GBF1: variants seen among roughly 807,000 people sequenced by gnomAD.
The protein encoded by GBF1 is Golgi-specific brefeldin A-resistance guanine nucleotide exchange factor 1.
Under a neutral mutation model 210.5 loss-of-function variants are expected in GBF1, and 114 were observed. That is an observed-to-expected ratio of 0.54 (90% CI 0.47 to 0.63). GBF1 has a LOEUF of 0.63. GBF1 is among the 30% of genes least tolerant of loss of function. GBF1 has a pLI of 0.00. For synonymous variants in GBF1, 850 were observed against 889.2 expected, an observed-to-expected ratio of 0.96 and a Z score of 0.78; for missense variants, 1,851 against 2,357.7, an observed-to-expected ratio of 0.79 and a Z score of 4.45.
At chr10:102,313,789 C>G (rs1316272164) in intron 3 of GBF1, among the ~76,000 whole-genome samples, 1 of 152,158 alleles carries the variant, frequency 6.6e-6, no homozygotes, top group Non-Finnish European at 1.5e-5. Context: ...CTGAATACAG[C>G]TAGGCAGAAT....
At chr10:102,279,110 A>G (rs565061589) in intron 3 of GBF1, among the ~76,000 whole-genome samples, 3 of 152,214 alleles carry the variant, frequency 2.0e-5, no homozygotes, top group Non-Finnish European at 4.4e-5. Context: ...CTGTCTTTCT[A>G]GCTTGCTTCT....
Position 102,376,622 on chromosome 10 carries a change from G to C in GBF1, c.4110G>C (p.Leu1370=). The C allele has an allele frequency of 6.2e-7, 1 of 1,613,814 alleles. No individual in the cohort carries two copies. Among genetic ancestry groups the C allele is most frequent in the Non-Finnish European group, 8.5e-7 (1 of 1,179,818 alleles). Residue 1370 remains leucine, a synonymous_variant, in exon 32 of 40, where the codon CTG becomes CTC. Transcript: ENST00000369983. ...CCAGCCGCCCAGGCCCTTCACCCCT[G>C]ATCAATCAATACAGCCTAACAGTGG... ...PGPSRPGPSP[L]INQYSLTVGL...
At chr10:102,272,313 C>A (rs897498754) in intron 3 of GBF1, among the ~76,000 whole-genome samples, 1 of 152,130 alleles carries the variant, frequency 6.6e-6, no homozygotes, top group African/African-American at 2.4e-5. Context: ...CCATGTTGGC[C>A]AGGCTGGTTT....
At chr10:102,310,199 C>G (rs537635280) in intron 3 of GBF1, among the ~76,000 whole-genome samples, 36 of 152,146 alleles carry the variant, frequency 2.4e-4, no homozygotes, top group Non-Finnish European at 4.9e-4. Context: ...TAAAAAGTGT[C>G]AGTAGCTGAA....
In GBF1 at chr10:102,367,097, T is replaced by A. The variant is rs759446591; in HGVS notation, c.2446T>A (p.Ser816Thr). The change falls in exon 20 of 40, where the codon TCC becomes ACC. Residue 816 changes from serine (S) to threonine (T), a missense_variant. Physicochemically the swap from Ser to Thr is moderately conservative, Grantham distance 58. Around this residue, in one of 3 missense-constraint regions of GBF1, gnomAD observed 80 missense variants for 151.4 expected, o/e 0.53. Transcript: ENST00000369983. The stretch of plus-strand genomic sequence containing the variant: ...TTTGCTTTTTCAGAATTGTAATGGC[T>A]CCCCATTTGCCAATAGCGATGCCTG... ...FTERWMNCNG[S>T]PFANSDACFS... 11 of 1,614,130 alleles carry A rather than the reference T, an allele frequency of 6.8e-6. No homozygotes were observed. In the South Asian group the frequency reaches 1.1e-4, roughly 16 times the overall value.
chr10:102,345,577 G>A (rs1490217059), intron 4 of GBF1, among the ~76,000 whole-genome samples: 1 of 147,980 alleles, frequency 6.8e-6, no homozygotes, highest in Admixed American at 6.8e-5. Context: ...AACCCGGGAG[G>A]CGGAAGTTAC....
chr10:102,268,490 C>G (rs2074089154), intron 3 of GBF1, among the ~76,000 whole-genome samples: 1 of 152,092 alleles, frequency 6.6e-6, no homozygotes, highest in Admixed American at 6.6e-5. Flanking sequence ...TGCATTTGTC[C>G]TCTTTAGCAC....
At chr10:102,369,419 A>T (rs954037118) in intron 24 of GBF1, 32 bp downstream of exon 24, 3 of 1,537,242 alleles carry the variant, frequency 2.0e-6, no homozygotes, top group Non-Finnish European at 2.7e-6. Context: ...GTGAGCGATA[A>T]CAAGGCAAGA....
At chr10:102,231,066 C>A in the GBF1 span, 1 of 1,571,034 alleles carries the variant, frequency 6.4e-7, no homozygotes, top group Non-Finnish European at 8.6e-7. Flanking sequence ...TGCGCTCGCG[C>A]TTCCGCCATT....
intron 38 of GBF1, 49 bp downstream of exon 38, chr10:102,380,735 C>A (rs2135383957): frequency 6.9e-7 from 1 of 1,444,198 alleles, no homozygotes; most frequent in East Asian, 2.3e-5. Context: ...TGCCTGGGCA[C>A]AATGGCTCAC....
At chr10:102,274,500 G>A (rs1660183890) in intron 3 of GBF1, among the ~76,000 whole-genome samples, 1 of 151,622 alleles carries the variant, frequency 6.6e-6, no homozygotes, top group South Asian at 2.1e-4. Context: ...CTTTATATTG[G>A]CCTTTGATTA....
intron 29 of GBF1, among the ~76,000 whole-genome samples, chr10:102,372,706 T>G (rs942319084): frequency 6.6e-5 from 10 of 152,170 alleles, no homozygotes; most frequent in African/African-American, 2.4e-4. Context: ...GGTGGAGTGA[T>G]TAAAATCCAT....
At chr10:102,309,973 A>G (rs2078264993) in intron 3 of GBF1, among the ~76,000 whole-genome samples, 1 of 152,216 alleles carries the variant, frequency 6.6e-6, no homozygotes, top group Admixed American at 6.5e-5. Context: ...AATTTAGGGA[A>G]AATACAACCA....
intron 3 of GBF1, among the ~76,000 whole-genome samples, chr10:102,319,774 G>A (rs1027011642): frequency 1.3e-5 from 2 of 148,182 alleles, no homozygotes; most frequent in African/African-American, 5.0e-5. Context: ...TGTCGCCCAG[G>A]CTGGAGTGCA....
At chr10:102,370,968 C>T in intron 29 of GBF1, 108 bp downstream of exon 29, 6 of 1,093,506 alleles carry the variant, frequency 5.5e-6, no homozygotes, top group South Asian at 1.5e-5. Context: ...TGCCCCATAG[C>T]ATGAGTCCAG....
chr10:102,342,210 T>G (rs2058233888), intron 3 of GBF1, among the ~76,000 whole-genome samples: 1 of 151,972 alleles, frequency 6.6e-6, no homozygotes, highest in Non-Finnish European at 1.5e-5. Context: ...CTAATTTTTT[T>G]GTATTTTTAG....
intron 3 of GBF1, among the ~76,000 whole-genome samples, chr10:102,302,654 T>C (rs1334945253): frequency 6.6e-6 from 1 of 152,218 alleles, no homozygotes; most frequent in Admixed American, 6.5e-5. Flanking sequence ...GTAGTCATTG[T>C]CAATTTTTAC....
intron 17 of GBF1, among the ~76,000 whole-genome samples, chr10:102,364,088 G>T (rs183770789): frequency 3.3e-5 from 5 of 152,236 alleles, no homozygotes; most frequent in African/African-American, 1.2e-4. Flanking sequence ...TGTCTTGTGG[G>T]TCATTGAAGG....
chr10:102,356,786 A>AG (rs2059318841), intron 8 of GBF1, among the ~76,000 whole-genome samples: 2 of 148,182 alleles, frequency 1.3e-5, no homozygotes, highest in Non-Finnish European at 3.0e-5. Flanking sequence ...AAAAAAAAAA[A>AG]TGGGGCCTAA....
Sources: gnomAD v4.1 joint callset for allele counts (sites outside exome capture counted in the v4.1 genomes callset) on GRCh38, gnomAD v4.1.1 for gene constraint, gnomAD v4.1.1 regional missense constraint, MANE v1.5 for transcripts, NCBI Gene and HGNC (gene_info 2026-07-23, HGNC 2026-07-21) for gene names.